TBP: variants seen among roughly 807,000 people sequenced by gnomAD.
TBP encodes TATA-box-binding protein.
TBP carries 12 observed loss-of-function variants against 46.2 expected under a neutral mutation model. The observed-to-expected ratio is 0.26, with a 90% CI of 0.17 to 0.42. The LOEUF is 0.42. Ranked by LOEUF, TBP falls within the 10% of genes least tolerant of loss-of-function variation. The pLI is 1.00. For synonymous variants in TBP, 157 were observed against 148.3 expected (o/e 1.06, Z -0.42); for missense variants, 229 against 403.1 (o/e 0.57, Z 3.70).
At chr6:170,563,346 C>T (rs1408923212) in intron 3 of TBP, among the ~76,000 whole-genome samples, 1 of 152,222 alleles carries the variant, frequency 6.6e-6, no homozygotes, top group African/African-American at 2.4e-5. Context: ...TCCTGAATTT[C>T]CACTATCTAC....
At chr6:170,571,264 A>T in intron 6 of TBP, 146 bp from the exon 7 acceptor site, 2 of 628,298 alleles carry the variant, frequency 3.2e-6, no homozygotes, top group Non-Finnish European at 2.8e-6. Context: ...TAATTATTCT[A>T]TTCTATCCTT....
chr6:170,556,362 G>A (rs1314498958), intron 1 of TBP, among the ~76,000 whole-genome samples: 2 of 98,656 alleles, frequency 2.0e-5, no homozygotes, highest in Non-Finnish European at 3.9e-5. Context: ...ATCTTTGTGC[G>A]GCTTTTTTTT....
At chr6:170,569,282 TGTTA>T (rs1281290879) in intron 5 of TBP, among the ~76,000 whole-genome samples, 2 of 152,254 alleles carry the variant, frequency 1.3e-5, no homozygotes, top group Admixed American at 6.5e-5. Flanking sequence ...AAATGAAGTT[TGTTA>T]GTTTTCCTCT....
At chr6:170,566,807 A>G (rs1779258841) in intron 4 of TBP, 111 bp from the exon 5 acceptor site, 2 of 727,508 alleles carry the variant, frequency 2.7e-6, no homozygotes, top group African/African-American at 1.7e-5. Flanking sequence ...TGATAACTAG[A>G]TGTACTATGT....
chr6:170,563,272 G>A (rs899846876), intron 3 of TBP, among the ~76,000 whole-genome samples: 1 of 152,156 alleles, frequency 6.6e-6, no homozygotes, highest in African/African-American at 2.4e-5. Flanking sequence ...GTACAGTCAG[G>A]TGTTTGTTTC....
intron 2 of TBP, among the ~76,000 whole-genome samples, chr6:170,558,851 A>C (rs1246224062): frequency 2.0e-5 from 3 of 151,896 alleles, no homozygotes; most frequent in Non-Finnish European, 4.4e-5. Flanking sequence ...GCGCCACCAC[A>C]CCCAGCTAAA....
chr6:170,560,941 T>C (rs1342945153), intron 2 of TBP, among the ~76,000 whole-genome samples: 1 of 152,174 alleles, frequency 6.6e-6, no homozygotes, highest in African/African-American at 2.4e-5. Context: ...TTGACTCCAA[T>C]TTTGAAATAA....
intron 5 of TBP, among the ~76,000 whole-genome samples, chr6:170,569,410 C>T (rs1779332022): frequency 6.6e-6 from 1 of 152,192 alleles, no homozygotes; most frequent in Non-Finnish European, 1.5e-5. Flanking sequence ...GTCATTTTGG[C>T]AGGCCTACAG....
intron 7 of TBP, among the ~76,000 whole-genome samples, chr6:170,571,927 G>A (rs1779372773): frequency 6.6e-6 from 1 of 151,822 alleles, no homozygotes; most frequent in African/African-American, 2.4e-5. Flanking sequence ...GGACCAAGGA[G>A]AGAAGTGTGA....
chr6:170,556,922 G>C lies in TBP; in HGVS notation c.-108G>C. 1 of 990,940 alleles carries C rather than the reference G, an allele frequency of 1.0e-6. No individual in the cohort carries two copies. 61.4% of individuals were successfully genotyped at this position (990,940 alleles called of 1,614,324 possible). Reference sequence around the variant, plus strand: ...GCGTGTGAAGATAACCCAAGGAATTGAGGAAGTTGCTGAGAAGAGTGTGCT... The same window carrying C: ...GCGTGTGAAGATAACCCAAGGAATTCAGGAAGTTGCTGAGAAGAGTGTGCT... On this transcript the variant is annotated 5_prime_UTR_variant, in exon 2 of 8. Transcript: ENST00000392092.
chr6:170,556,088 G>A (rs910740202), intron 1 of TBP, among the ~76,000 whole-genome samples: 1 of 152,224 alleles, frequency 6.6e-6, no homozygotes, highest in African/African-American at 2.4e-5. Context: ...GATCGTCAGA[G>A]TCTTTCATAC....
intron 1 of TBP, among the ~76,000 whole-genome samples, chr6:170,554,955 C>T (rs1778987981): frequency 6.6e-6 from 1 of 152,160 alleles, no homozygotes; most frequent in Non-Finnish European, 1.5e-5. Flanking sequence ...TCCCGTCTCT[C>T]GGTTCAGGCC....
At chr6:170,570,529 A>G (rs1043422808) in intron 6 of TBP, among the ~76,000 whole-genome samples, 1 of 152,156 alleles carries the variant, frequency 6.6e-6, no homozygotes, top group African/African-American at 2.4e-5. Flanking sequence ...TGAGATTACT[A>G]GGCTTAGAAG....
intron 1 of TBP, among the ~76,000 whole-genome samples, chr6:170,555,058 T>C (rs1778990249): frequency 6.6e-6 from 1 of 152,182 alleles, no homozygotes; most frequent in South Asian, 2.1e-4. Flanking sequence ...GCAGAATTAA[T>C]TTGATTGCCT....
At chr6:170,559,080 A>G (rs1033011117) in intron 2 of TBP, among the ~76,000 whole-genome samples, 1 of 152,258 alleles carries the variant, frequency 6.6e-6, no homozygotes, top group African/African-American at 2.4e-5. Flanking sequence ...TGTATAATAC[A>G]GGAACTTAAT....
chr6:170,566,974 C>T lies in TBP; in HGVS notation c.642C>T (p.Phe214=), dbSNP rs1416035753. Residue 214 remains phenylalanine, a synonymous_variant, in exon 5 of 8, where the codon TTC becomes TTT. Transcript: ENST00000392092. ...AGCCACGAACCACGGCACTGATTTTCAGTTCTGGGAAAATGGTGTGCACAG... is the reference window on the plus strand; with the variant it reads ...AGCCACGAACCACGGCACTGATTTTTAGTTCTGGGAAAATGGTGTGCACAG... ...IREPRTTALI[F]SSGKMVCTGA... is the part of the protein sequence containing the mutation. 2 of 1,613,564 alleles carry T rather than the reference C, an allele frequency of 1.2e-6. No homozygotes were observed. The highest frequency in any genetic ancestry group is 2.7e-5 in the African/African-American group (2 of 74,890).
At chr6:170,560,104 G>C (rs1477201645) in intron 2 of TBP, among the ~76,000 whole-genome samples, 1 of 152,220 alleles carries the variant, frequency 6.6e-6, no homozygotes, top group East Asian at 1.9e-4. Flanking sequence ...CTCTGATGGA[G>C]AAGAACAAGG....
intron 5 of TBP, among the ~76,000 whole-genome samples, chr6:170,568,080 C>T (rs893720114): frequency 9.2e-5 from 14 of 152,188 alleles, no homozygotes; most frequent in African/African-American, 3.1e-4. Context: ...CATTCTGGCT[C>T]CTGATCTCCG....
At chr6:170,570,812 G>A (rs947010735) in intron 6 of TBP, among the ~76,000 whole-genome samples, 9 of 151,652 alleles carry the variant, frequency 5.9e-5, no homozygotes, top group Non-Finnish European at 1.3e-4. Context: ...CAGCCTGGGC[G>A]ACACAGCAAG....
Sources: allele counts gnomAD v4.1 joint callset (sites outside exome capture counted in the v4.1 genomes callset), GRCh38; gene constraint gnomAD v4.1.1; transcripts MANE v1.5; gene names NCBI Gene and HGNC (gene_info 2026-07-23, HGNC 2026-07-21).